Variants in PTPN3 observed in about 807,000 individuals in gnomAD.
PTPN3 encodes the protein tyrosine-protein phosphatase non-receptor type 3.
PTPN3 carries 96 observed loss-of-function variants against 132.7 expected under a neutral mutation model. The observed-to-expected ratio is 0.72, with a 90% CI of 0.61 to 0.86. The LOEUF (loss-of-function observed/expected upper bound fraction) is 0.86, where lower values mean the gene tolerates loss of function less well. Among genes scored for constraint, PTPN3 ranks in the 40% least tolerant of loss-of-function variants. The pLI is 0.00. For synonymous variants in PTPN3, 398 were observed against 429.0 expected (o/e 0.93, Z 0.89); for missense variants, 1,125 against 1,159.6 (o/e 0.97, Z 0.43).
chr9:109,499,600 T>G (rs938977914), upstream of PTPN3, among the ~76,000 whole-genome samples: 2 of 152,194 alleles, frequency 1.3e-5, no homozygotes, highest in Non-Finnish European at 2.9e-5. Flanking sequence ...CGCTCAAACA[T>G]TATTTGTTGA....
At chr9:109,423,738 T>G (rs958335327) in intron 12 of PTPN3, among the ~76,000 whole-genome samples, 1 of 152,196 alleles carries the variant, frequency 6.6e-6, no homozygotes, top group African/African-American at 2.4e-5. Flanking sequence ...GAATGAATTA[T>G]TTGAGAGAAT....
the PTPN3 span, among the ~76,000 whole-genome samples, chr9:109,536,722 C>T: frequency 6.6e-6 from 1 of 152,076 alleles, no homozygotes; most frequent in South Asian, 2.1e-4. Context: ...AGAAGAGACC[C>T]TGCCAACTCC....
chr9:109,420,017 A>G (rs1299964074), intron 14 of PTPN3, among the ~76,000 whole-genome samples: 2 of 152,258 alleles, frequency 1.3e-5, no homozygotes, highest in African/African-American at 4.8e-5. Flanking sequence ...AGAAGCAAGC[A>G]TATTTCCAAT....
At position 109,389,296 on chromosome 9, in the gene PTPN3, C is replaced by A. The variant is rs1177658483; in HGVS notation, c.2190G>T (p.Gln730His). 1 of 1,614,202 alleles carries A rather than the reference C, an allele frequency of 6.2e-7. No individual in the cohort carries two copies. Among genetic ancestry groups the A allele is most frequent in the Non-Finnish European group, 8.5e-7 (1 of 1,180,030 alleles). Residue 730 changes from glutamine to histidine, a missense_variant, in exon 22 of 26, where the codon CAG (glutamine) becomes CAT (histidine). Coordinates refer to ENST00000374541, the MANE Select transcript of PTPN3 (RefSeq NM_002829.4). ...GTGACAACTTCTGATCCCAGACAAC[C>A]TGCCAAAACTGTGCACAGGTATGCG... ...PLPHTCAQFW[Q>H]VVWDQKLSLI...
At chr9:109,532,156 C>T in the PTPN3 span, among the ~76,000 whole-genome samples, 81 of 152,264 alleles carry the variant, frequency 5.3e-4, no homozygotes, top group African/African-American at 1.9e-3. Context: ...CAGAAAACCC[C>T]TCAGTCCTGG....
chr9:109,529,878 A>G, the PTPN3 span, among the ~76,000 whole-genome samples: 1 of 152,148 alleles, frequency 6.6e-6, no homozygotes, highest in African/African-American at 2.4e-5. Flanking sequence ...TAAAGTTACT[A>G]GATGCATATG....
At chr9:109,497,987 G>A (rs1451625928) in intron 1 of PTPN3, among the ~76,000 whole-genome samples, 11 of 142,556 alleles carry the variant, frequency 7.7e-5, no homozygotes, top group Non-Finnish European at 1.7e-4. Context: ...AGCCCCACCC[G>A]GCGCCCCGCC....
the PTPN3 span, among the ~76,000 whole-genome samples, chr9:109,535,423 A>C: frequency 6.6e-6 from 1 of 152,226 alleles, no homozygotes; most frequent in African/African-American, 2.4e-5. Context: ...TCCCAGGATA[A>C]GTAAAGTCCA....
chr9:109,533,491 C>A, the PTPN3 span: 7 of 1,595,342 alleles, frequency 4.4e-6, no homozygotes, highest in South Asian at 6.7e-5. Flanking sequence ...TGCGGCGGTA[C>A]CGACGTTGAG....
intron 2 of PTPN3, among the ~76,000 whole-genome samples, chr9:109,459,834 G>A (rs777977611): frequency 3.3e-5 from 5 of 151,938 alleles, no homozygotes; most frequent in African/African-American, 9.7e-5. Context: ...GCCTCCTCCC[G>A]CCTCCCTGGC....
chr9:109,446,712 C>T (rs1844883742), intron 6 of PTPN3, among the ~76,000 whole-genome samples: 1 of 152,158 alleles, frequency 6.6e-6, no homozygotes. Context: ...AAGAAACAAT[C>T]CTATGAAGAA....
chr9:109,455,586 G>A (rs993302895), intron 4 of PTPN3, among the ~76,000 whole-genome samples: 1 of 152,194 alleles, frequency 6.6e-6, no homozygotes, highest in Admixed American at 6.5e-5. Context: ...ACATGTCTAG[G>A]TACCAGCGGA....
chr9:109,424,569 T>G (rs1843109099), intron 12 of PTPN3, among the ~76,000 whole-genome samples: 1 of 152,154 alleles, frequency 6.6e-6, no homozygotes, highest in Non-Finnish European at 1.5e-5. Context: ...GAACCCTGAG[T>G]GTCCATGTAA....
At chr9:109,517,428 G>GT in the PTPN3 span, among the ~76,000 whole-genome samples, 1 of 152,188 alleles carries the variant, frequency 6.6e-6, no homozygotes, top group African/African-American at 2.4e-5. Context: ...AAGAATTATT[G>GT]TAATTCTATA....
intron 10 of PTPN3, among the ~76,000 whole-genome samples, chr9:109,430,672 T>C (rs563433407): frequency 6.6e-6 from 1 of 152,230 alleles, no homozygotes; most frequent in African/African-American, 2.4e-5. Flanking sequence ...AGGAACCACA[T>C]AAAGAATGAT....
intron 7 of PTPN3, among the ~76,000 whole-genome samples, chr9:109,442,987 T>G (rs1242755890): frequency 6.6e-6 from 1 of 152,134 alleles, no homozygotes; most frequent in East Asian, 1.9e-4. Context: ...TATTGAGAGC[T>G]GTCTTAAATC....
chr9:109,484,011 C>T (rs993584929), intron 1 of PTPN3, among the ~76,000 whole-genome samples: 3 of 152,182 alleles, frequency 2.0e-5, no homozygotes, highest in Non-Finnish European at 4.4e-5. Flanking sequence ...TGACAGGCTG[C>T]GTTCTCCACT....
the PTPN3 span, chr9:109,533,316 T>A: frequency 2.6e-5 from 11 of 425,456 alleles, no homozygotes; most frequent in Non-Finnish European, 4.3e-5. Context: ...GGCTAATTTT[T>A]TGTATTTTTA....
intron 17 of PTPN3, 123 bp from the exon 18 acceptor site, chr9:109,406,741 G>T: frequency 8.3e-7 from 1 of 1,210,356 alleles, no homozygotes; most frequent in Non-Finnish European, 1.2e-6. Context: ...TCTCCCTCGG[G>T]TAGTACTGTC....
Sources: gnomAD v4.1 joint callset for allele counts (sites outside exome capture counted in the v4.1 genomes callset) on GRCh38, gnomAD v4.1.1 for gene constraint, MANE v1.5 for transcripts, NCBI Gene and HGNC (gene_info 2026-07-23, HGNC 2026-07-21) for gene names.